Variants in SLC35F1 observed in about 807,000 individuals in gnomAD.
The protein encoded by SLC35F1 is solute carrier family 35 member F1.
Under a neutral mutation model 48.7 loss-of-function variants are expected in SLC35F1, and 14 were observed. The ratio of observed to expected loss-of-function variants is 0.29; its 90% CI spans 0.19 to 0.45. SLC35F1 has a LOEUF of 0.45. Ranked by LOEUF, SLC35F1 falls within the 20% of genes least tolerant of loss-of-function variation. The pLI is 1.00. For missense variants in SLC35F1, 404 were observed against 500.0 expected, an observed-to-expected ratio of 0.81 and a Z score of 1.83; for synonymous variants, 190 against 202.2, an observed-to-expected ratio of 0.94 and a Z score of 0.51.
intron 1 of SLC35F1, among the ~76,000 whole-genome samples, chr6:117,947,594 G>A (rs1460608839): frequency 6.6e-6 from 1 of 152,098 alleles, no homozygotes; most frequent in African/African-American, 2.4e-5. Flanking sequence ...AATAATAAAA[G>A]GTGGTAGGAT....
At chr6:118,067,246 G>A (rs555638528) in intron 1 of SLC35F1, among the ~76,000 whole-genome samples, 2 of 152,280 alleles carry the variant, frequency 1.3e-5, no homozygotes, top group African/African-American at 4.8e-5. Context: ...TTGGGGTAAA[G>A]TTGGGGAGGA....
intron 7 of SLC35F1, among the ~76,000 whole-genome samples, chr6:118,297,570 T>A (rs1316436347): frequency 6.7e-6 from 1 of 149,812 alleles, no homozygotes; most frequent in East Asian, 1.9e-4. Flanking sequence ...ACATGTCTAC[T>A]CTTTAAATTC....
chr6:117,973,210 T>G (rs1296147707), intron 1 of SLC35F1, among the ~76,000 whole-genome samples: 1 of 152,174 alleles, frequency 6.6e-6, no homozygotes, highest in Non-Finnish European at 1.5e-5. Flanking sequence ...TCTGTACCTA[T>G]GTGTCCCTAG....
At chr6:118,064,616 A>G (rs780205197) in intron 1 of SLC35F1, among the ~76,000 whole-genome samples, 1 of 152,190 alleles carries the variant, frequency 6.6e-6, no homozygotes, top group Non-Finnish European at 1.5e-5. Context: ...TCTATTGGGA[A>G]GTCTCAGATC....
At chr6:118,107,041 A>G (rs1286781675) in intron 1 of SLC35F1, among the ~76,000 whole-genome samples, 1 of 152,196 alleles carries the variant, frequency 6.6e-6, no homozygotes, top group African/African-American at 2.4e-5. Context: ...TTATTTGCTT[A>G]TTACTTAATT....
At chr6:117,998,445 T>C (rs1481436179) in intron 1 of SLC35F1, among the ~76,000 whole-genome samples, 1 of 151,928 alleles carries the variant, frequency 6.6e-6, no homozygotes, top group Non-Finnish European at 1.5e-5. Flanking sequence ...TCTAAAGAAC[T>C]CTCCACCCCA....
intron 1 of SLC35F1, among the ~76,000 whole-genome samples, chr6:117,974,246 C>G (rs1776679082): frequency 6.6e-6 from 1 of 152,114 alleles, no homozygotes; most frequent in South Asian, 2.1e-4. Context: ...AGTGTTAGGT[C>G]TTACTATTTA....
chr6:117,989,805 C>A (rs1390447886), intron 1 of SLC35F1, among the ~76,000 whole-genome samples: 1 of 151,994 alleles, frequency 6.6e-6, no homozygotes, highest in Admixed American at 6.6e-5. Context: ...CTTTGGTATG[C>A]TTTAAGAAAA....
intron 1 of SLC35F1, among the ~76,000 whole-genome samples, chr6:118,123,736 G>T (rs1377004382): frequency 6.6e-6 from 1 of 152,138 alleles, no homozygotes; most frequent in Non-Finnish European, 1.5e-5. Flanking sequence ...CCATTTTCTG[G>T]AACACCTTGC....
At chr6:117,978,740 G>T (rs1776736021) in intron 1 of SLC35F1, among the ~76,000 whole-genome samples, 1 of 152,078 alleles carries the variant, frequency 6.6e-6, no homozygotes, top group African/African-American at 2.4e-5. Flanking sequence ...AGAGTTGTCA[G>T]ATTTAGCAAA....
intron 1 of SLC35F1, among the ~76,000 whole-genome samples, chr6:118,067,460 A>G (rs1446688541): frequency 6.6e-6 from 1 of 152,182 alleles, no homozygotes; most frequent in Non-Finnish European, 1.5e-5. Flanking sequence ...AACATACCAC[A>G]AGAAAGCCCC....
chr6:117,937,988 T>C lies in SLC35F1; in HGVS notation c.173+30089T>C, dbSNP rs917938745. ...ACACCATACTTCAGGGCATAATTTC[T>C]CTCTGTGGGTCATGGCACCATATTT... On this transcript the variant is annotated intron_variant, in intron 1 of 7. Transcript: ENST00000360388. 3.9e-5 allele frequency among the ~76,000 whole-genome samples: 6 copies of C among 152,274 alleles called. No homozygotes were observed. In the East Asian group the frequency reaches 1.2e-3, roughly 29 times the overall value.
chr6:118,040,467 C>A (rs118025092), intron 1 of SLC35F1, among the ~76,000 whole-genome samples: 2,613 of 152,194 alleles, frequency 0.017, 31 homozygotes, highest in South Asian at 0.031. Flanking sequence ...TATCCAGTAT[C>A]CTTTTATTAA....
intron 1 of SLC35F1, among the ~76,000 whole-genome samples, chr6:117,957,187 GA>G (rs1290198345): frequency 3.9e-5 from 6 of 152,110 alleles, no homozygotes; most frequent in African/African-American, 1.4e-4. Flanking sequence ...TTTATCAAAA[GA>G]AAGAATGACC....
chr6:118,180,689 G>T (rs1774562896), intron 2 of SLC35F1, among the ~76,000 whole-genome samples: 1 of 152,002 alleles, frequency 6.6e-6, no homozygotes. Context: ...ATGAAAATAT[G>T]AAACATGTTA....
intron 1 of SLC35F1, 29 bp downstream of exon 1, chr6:117,907,928 G>A (rs572257047): frequency 1.5e-6 from 2 of 1,301,946 alleles, no homozygotes; most frequent in Admixed American, 4.2e-5. Context: ...CGAGGGCGCG[G>A]GGGGCGGGGG....
At chr6:118,263,158 G>A (rs1775733268) in intron 3 of SLC35F1, among the ~76,000 whole-genome samples, 1 of 152,168 alleles carries the variant, frequency 6.6e-6, no homozygotes, top group African/African-American at 2.4e-5. Context: ...TCAGGTTCAA[G>A]CGATTCTCCT....
At chr6:117,967,324 T>A (rs1334913900) in intron 1 of SLC35F1, among the ~76,000 whole-genome samples, 1 of 152,140 alleles carries the variant, frequency 6.6e-6, no homozygotes, top group Non-Finnish European at 1.5e-5. Context: ...GAAAAAATTT[T>A]TACTATATTT....
rs117553566 is a variant in SLC35F1 at position 118,278,573 on chromosome 6, A to G, written c.847+1027A>G. ...CTGACTCTCCCTAGGGTTTCTCTCT[A>G]GTGACTTCGAGGGCTGACCAGCCTT... On this transcript the variant is annotated intron_variant, in intron 6 of 7. Transcript: ENST00000360388. Among the ~76,000 whole-genome samples the G allele has an allele frequency of 4.6e-3, 694 of 152,286 alleles. 2 individuals carry two copies. Among genetic ancestry groups the G allele is most frequent in the Admixed American group, 8.1e-3 (124 of 15,306 alleles).
Sources: allele counts gnomAD v4.1 joint callset (sites outside exome capture counted in the v4.1 genomes callset), GRCh38; gene constraint gnomAD v4.1.1; transcripts MANE v1.5; gene names NCBI Gene and HGNC (gene_info 2026-07-23, HGNC 2026-07-21).